MKLN1: variants seen among roughly 807,000 people sequenced by gnomAD.
MKLN1 encodes the protein muskelin.
A neutral mutation model predicts 99.0 loss-of-function variants in MKLN1; 18 were observed. The observed-to-expected ratio is 0.18, with a 90% CI of 0.13 to 0.27. The LOEUF (loss-of-function observed/expected upper bound fraction) is 0.27, where lower values mean the gene tolerates loss of function less well. Ranked by LOEUF, MKLN1 falls within the 10% of genes least tolerant of loss-of-function variation. MKLN1 has a pLI of 1.00. For synonymous variants in MKLN1, 288 were observed against 293.2 expected, an observed-to-expected ratio of 0.98 and a Z score of 0.18; for missense variants, 621 against 875.9, an observed-to-expected ratio of 0.71 and a Z score of 3.67.
chr7:131,286,493 A>T (rs1004460056), intron 3 of MKLN1, among the ~76,000 whole-genome samples: 5 of 152,126 alleles, frequency 3.3e-5, no homozygotes, highest in African/African-American at 1.2e-4. Flanking sequence ...TGTTTCAGAT[A>T]TATCATTCTG....
At chr7:131,269,258 G>A (rs147641689) in intron 3 of MKLN1, among the ~76,000 whole-genome samples, 52 of 152,280 alleles carry the variant, frequency 3.4e-4, no homozygotes, top group African/African-American at 1.1e-3. Context: ...TGGGTAACTC[G>A]TAAACAACAG....
At chr7:131,478,566 A>C in intron 16 of MKLN1, 57 bp from the exon 17 acceptor site, 1 of 1,458,870 alleles carries the variant, frequency 6.9e-7, no homozygotes. Flanking sequence ...ATTTTCCTTC[A>C]GTGCACTTAG....
intron 4 of MKLN1, among the ~76,000 whole-genome samples, chr7:131,395,554 A>T (rs1794336739): frequency 6.6e-6 from 1 of 151,012 alleles, no homozygotes; most frequent in Non-Finnish European, 1.5e-5. Context: ...ACTGAGCACT[A>T]ATAGTACTTT....
At chr7:131,165,689 C>T (rs1176165603) in intron 2 of MKLN1, among the ~76,000 whole-genome samples, 1 of 152,122 alleles carries the variant, frequency 6.6e-6, no homozygotes, top group South Asian at 2.1e-4. Context: ...AGAATTTAGA[C>T]CTTTTGAGTG....
chr7:131,129,828 G>A (rs968696897), intron 1 of MKLN1, among the ~76,000 whole-genome samples: 1 of 152,004 alleles, frequency 6.6e-6, no homozygotes, highest in Non-Finnish European at 1.5e-5. Context: ...ATCCTGCCTC[G>A]GCCTCCCAAA....
intron 2 of MKLN1, among the ~76,000 whole-genome samples, chr7:131,376,385 T>C (rs1245180427): frequency 6.8e-6 from 1 of 146,424 alleles, no homozygotes; most frequent in Non-Finnish European, 1.5e-5. Context: ...GGCTCATGCG[T>C]GTAATCCCAG....
intron 6 of MKLN1, among the ~76,000 whole-genome samples, chr7:131,409,800 T>C (rs1005209868): frequency 1.3e-5 from 2 of 152,174 alleles, no homozygotes; most frequent in Non-Finnish European, 2.9e-5. Context: ...TTGTAGCACA[T>C]AGCAAGAAGT....
At chr7:131,120,416 G>A (rs1395183399) in intron 1 of MKLN1, among the ~76,000 whole-genome samples, 1 of 150,292 alleles carries the variant, frequency 6.7e-6, no homozygotes, top group African/African-American at 2.4e-5. Flanking sequence ...AGGTGTGGCG[G>A]TGGGCGCCTG....
chr7:131,382,163 G>A lies in MKLN1; in HGVS notation c.169-4957G>A, dbSNP rs536156568. The stretch of plus-strand genomic sequence containing the variant: ...GCAGATCACTTGAGGCCAGGAGTTC[G>A]AGACCAGCCTGGCCAACATGGCGAA... On this transcript the variant is annotated intron_variant, in intron 2 of 17. Coordinates refer to ENST00000352689, the MANE Select transcript of MKLN1 (RefSeq NM_013255.5). Among the ~76,000 whole-genome samples, 65 of 152,190 alleles carry A rather than the reference G, an allele frequency of 4.3e-4. 1 individual carries two copies. The highest frequency in any genetic ancestry group is 3.1e-3 in the Admixed American group (47 of 15,296).
chr7:131,246,615 C>T (rs1797493390), intron 3 of MKLN1, among the ~76,000 whole-genome samples: 2 of 151,822 alleles, frequency 1.3e-5, no homozygotes, highest in South Asian at 2.1e-4. Flanking sequence ...AAGGAAAATC[C>T]CCCTTCCTCC....
At chr7:131,404,282 T>C (rs1794636343) in intron 6 of MKLN1, among the ~76,000 whole-genome samples, 1 of 152,186 alleles carries the variant, frequency 6.6e-6, no homozygotes, top group Non-Finnish European at 1.5e-5. Flanking sequence ...CTTGGTAGAA[T>C]TTACTAGTGA....
At chr7:131,334,999 G>A (rs192249975) in intron 1 of MKLN1, among the ~76,000 whole-genome samples, 10 of 152,188 alleles carry the variant, frequency 6.6e-5, no homozygotes, top group Admixed American at 5.9e-4. Context: ...TAGTTGATCC[G>A]GGTATCTTCT....
chr7:131,167,391 G>T (rs917955064), intron 2 of MKLN1, among the ~76,000 whole-genome samples: 1 of 152,160 alleles, frequency 6.6e-6, no homozygotes, highest in African/African-American at 2.4e-5. Flanking sequence ...GGAAAAGAAG[G>T]CCAGGTATGG....
chr7:131,418,900 A>G (rs1795105318), intron 8 of MKLN1, among the ~76,000 whole-genome samples: 1 of 152,166 alleles, frequency 6.6e-6, no homozygotes, highest in Non-Finnish European at 1.5e-5. Context: ...CTGAACTTTC[A>G]CAAGACTGAA....
intron 11 of MKLN1, among the ~76,000 whole-genome samples, chr7:131,445,331 G>A (rs1795978918): frequency 6.6e-6 from 1 of 152,022 alleles, no homozygotes; most frequent in African/African-American, 2.4e-5. Context: ...TTCCTGCTCT[G>A]TTCCTGCCAC....
chr7:131,218,222 T>A (rs950886822), intron 3 of MKLN1, among the ~76,000 whole-genome samples: 7 of 152,186 alleles, frequency 4.6e-5, no homozygotes, highest in Admixed American at 1.3e-4. Context: ...AATAATGATG[T>A]TATCCATAGG....
At position 131,494,292 on chromosome 7, in the gene MKLN1, C is replaced by T. The variant is rs926992128; in HGVS notation, c.*6564C>T. ...AAGTGATTGATTAAATTAGAGGAGG[C>T]GTGTAGAATAAATCCCAATCCCATT... On this transcript the variant is annotated 3_prime_UTR_variant, in exon 18 of 18. Transcript: ENST00000352689. 16 of 152,058 alleles carry T rather than the reference C, an allele frequency of 1.1e-4. No individual in the cohort carries two copies. The highest frequency in any genetic ancestry group is 3.9e-4 in the African/African-American group (16 of 41,380). The allele number at this position is 152,058 out of a possible 1,614,324, so 9.4% of individuals were successfully genotyped here. A position where few individuals can be genotyped will look rare whatever the true frequency, so the allele number is the denominator to read the frequency against.
At chr7:131,185,859 A>G (rs943146037) in intron 2 of MKLN1, among the ~76,000 whole-genome samples, 1 of 152,160 alleles carries the variant, frequency 6.6e-6, no homozygotes, top group African/African-American at 2.4e-5. Flanking sequence ...ATTTTGTACC[A>G]TGTAAGTGGT....
intron 2 of MKLN1, among the ~76,000 whole-genome samples, chr7:131,375,967 A>G (rs1793633588): frequency 6.7e-6 from 1 of 150,282 alleles, no homozygotes; most frequent in Non-Finnish European, 1.5e-5. Flanking sequence ...ATATGCGTTC[A>G]GCATTAATAT....
Sources: allele counts gnomAD v4.1 joint callset (sites outside exome capture counted in the v4.1 genomes callset), GRCh38; gene constraint gnomAD v4.1.1; transcripts MANE v1.5; gene names NCBI Gene and HGNC (gene_info 2026-07-23, HGNC 2026-07-21).